The following HYCC2 variants were observed in gnomAD, a reference collection of about 807,000 sequenced individuals.
HYCC2 encodes the protein hyccin 2.
At chr2:200,973,942 A>G in the HYCC2 span, 1 of 152,258 alleles carries the variant, frequency 6.6e-6, no homozygotes, top group Admixed American at 6.5e-5. Flanking sequence ...CAAGGTCAAC[A>G]GTGACTACAT....
chr2:201,069,074 A>G, the HYCC2 span, among the ~76,000 whole-genome samples: 12 of 152,342 alleles, frequency 7.9e-5, no homozygotes, highest in East Asian at 1.7e-3. Flanking sequence ...ACTTCTGCCC[A>G]TATTTTATCA....
the HYCC2 span, among the ~76,000 whole-genome samples, chr2:201,027,285 A>G: frequency 6.6e-6 from 1 of 152,222 alleles, no homozygotes; most frequent in East Asian, 1.9e-4. Context: ...ATCTCTGAAT[A>G]GACCAATAAC....
At chr2:201,010,864 G>C in the HYCC2 span, among the ~76,000 whole-genome samples, 1 of 151,776 alleles carries the variant, frequency 6.6e-6, no homozygotes, top group South Asian at 2.1e-4. Context: ...AATGATGGTA[G>C]AGTCAGGCGT....
At chr2:200,985,100 G>A in the HYCC2 span, among the ~76,000 whole-genome samples, 2 of 152,042 alleles carry the variant, frequency 1.3e-5, no homozygotes, top group Non-Finnish European at 2.9e-5. Flanking sequence ...AACAGAGTGA[G>A]ACCATCTGGG....
At chr2:201,030,485 T>C in the HYCC2 span, among the ~76,000 whole-genome samples, 2 of 152,132 alleles carry the variant, frequency 1.3e-5, no homozygotes, top group African/African-American at 4.8e-5. Context: ...ATATGTTATT[T>C]AAATGTAGTC....
At chr2:201,032,617 A>T in the HYCC2 span, among the ~76,000 whole-genome samples, 1 of 151,836 alleles carries the variant, frequency 6.6e-6, no homozygotes, top group Non-Finnish European at 1.5e-5. Flanking sequence ...TACGATTGAG[A>T]TTCGCTTCCA....
the HYCC2 span, among the ~76,000 whole-genome samples, chr2:201,038,979 C>T: frequency 6.6e-6 from 1 of 151,744 alleles, no homozygotes. Flanking sequence ...TTCCACAGAA[C>T]CACATGCCAC....
the HYCC2 span, among the ~76,000 whole-genome samples, chr2:200,999,776 T>C: frequency 6.8e-6 from 1 of 147,574 alleles, no homozygotes; most frequent in Non-Finnish European, 1.5e-5. Context: ...TATAAAGAAA[T>C]AGAAGGGCTG....
the HYCC2 span, chr2:201,022,131 C>G: frequency 1.6e-6 from 2 of 1,285,778 alleles, no homozygotes; most frequent in Non-Finnish European, 2.0e-6. Context: ...AGATAAGAAG[C>G]TACTTTCCTG....
the HYCC2 span, chr2:200,992,776 C>T: frequency 4.2e-6 from 3 of 715,784 alleles, no homozygotes; most frequent in South Asian, 1.9e-5. Flanking sequence ...CAAGATAAGC[C>T]CATCATGGAA....
At chr2:201,049,137 A>C in the HYCC2 span, among the ~76,000 whole-genome samples, 1 of 151,772 alleles carries the variant, frequency 6.6e-6, no homozygotes, top group Non-Finnish European at 1.5e-5. Context: ...AAAAAAAAAA[A>C]AGAAAACAAA....
chr2:201,071,077 G>A, the HYCC2 span, among the ~76,000 whole-genome samples: 2 of 152,136 alleles, frequency 1.3e-5, no homozygotes, highest in African/African-American at 2.4e-5. Context: ...CTCCCAGGAG[G>A]GACAACCTAG....
chr2:200,987,619 T>C, the HYCC2 span: 1 of 1,012,318 alleles, frequency 9.9e-7, no homozygotes, highest in South Asian at 1.5e-5. Context: ...AGAGAATGTA[T>C]ATATGGATAT....
the HYCC2 span, among the ~76,000 whole-genome samples, chr2:201,018,682 A>G: frequency 6.6e-6 from 1 of 152,168 alleles, no homozygotes; most frequent in Non-Finnish European, 1.5e-5. Flanking sequence ...ATCTTAAAAA[A>G]TTTTCCAGAG....
chr2:201,044,810 C>G, the HYCC2 span, among the ~76,000 whole-genome samples: 1 of 152,044 alleles, frequency 6.6e-6, no homozygotes, highest in Non-Finnish European at 1.5e-5. Context: ...TTCATCCATT[C>G]TTTCAACTAA....
chr2:201,016,948 T>C, the HYCC2 span: 1 of 1,578,968 alleles, frequency 6.3e-7, no homozygotes, highest in African/African-American at 1.4e-5. Flanking sequence ...CAGAGGACCT[T>C]AAAAAATACT....
At chr2:201,049,101 G>A in the HYCC2 span, among the ~76,000 whole-genome samples, 3 of 150,350 alleles carry the variant, frequency 2.0e-5, no homozygotes, top group African/African-American at 7.4e-5. Flanking sequence ...TCCCACCTTG[G>A]CAACTGAGTA....
At chr2:201,060,523 C>T in the HYCC2 span, among the ~76,000 whole-genome samples, 8 of 152,088 alleles carry the variant, frequency 5.3e-5, no homozygotes, top group African/African-American at 1.9e-4. Context: ...GTCCAGCAAC[C>T]ATTAGGTAAT....
the HYCC2 span, among the ~76,000 whole-genome samples, chr2:201,040,459 G>GTTT: frequency 2.4e-3 from 324 of 135,144 alleles, 2 homozygotes; most frequent in African/African-American, 8.2e-3. Context: ...TATTGCTTTT[G>GTTT]TTTTTTTTTT....
Sources: allele counts gnomAD v4.1 joint callset (sites outside exome capture counted in the v4.1 genomes callset), GRCh38; gene constraint gnomAD v4.1.1; transcripts MANE v1.5; gene names NCBI Gene and HGNC (gene_info 2026-07-23, HGNC 2026-07-21).